Variants in SP7 observed in about 807,000 individuals in gnomAD.
SP7 encodes the protein Sp7 transcription factor.
A neutral mutation model predicts 27.9 loss-of-function variants in SP7; 13 were observed. The observed-to-expected ratio is 0.47, with a 90% CI of 0.30 to 0.74. SP7 has a LOEUF of 0.74. Among genes scored for constraint, SP7 ranks in the 30% least tolerant of loss-of-function variants. SP7 has a pLI of 0.06. For synonymous variants in SP7, 219 were observed against 226.7 expected (o/e 0.97, Z 0.31); for missense variants, 525 against 558.0 (o/e 0.94, Z 0.60).
intron 2 of SP7, among the ~76,000 whole-genome samples, chr12:53,334,330 TTACACACACA>T (rs1944741025): frequency 9.9e-6 from 1 of 100,924 alleles, no homozygotes; most frequent in African/African-American, 4.5e-5. Context: ...ATGGCCCAAC[TTACACACACA>T]CACACACACA....
At chr12:53,343,151 A>C (rs1371070135) in intron 1 of SP7, among the ~76,000 whole-genome samples, 1 of 151,912 alleles carries the variant, frequency 6.6e-6, no homozygotes, top group Non-Finnish European at 1.5e-5. Context: ...CAAAAAAAAA[A>C]AAACATAGTC....
chr12:53,332,592 C>T (rs1944718080), intron 2 of SP7, among the ~76,000 whole-genome samples: 1 of 151,166 alleles, frequency 6.6e-6, no homozygotes, highest in Non-Finnish European at 1.5e-5. Flanking sequence ...ACAACAGCAA[C>T]AACAAAAAAG....
rs1203748106 is a variant in SP7, at chr12:53,328,958, G to A, written c.484C>T (p.His162Tyr). 2 of 1,611,518 alleles carry A rather than the reference G, an allele frequency of 1.2e-6. No individual in the cohort carries two copies. Among genetic ancestry groups the A allele is most frequent in the Admixed American group, 1.7e-5 (1 of 59,348 alleles). The change falls in exon 3 of 3, where the codon CAC becomes TAC. Residue 162 changes from histidine to tyrosine, a missense_variant. Coordinates refer to ENST00000536324, the MANE Select transcript of SP7 (RefSeq NM_001173467.3). The surrounding 1 kb of genome is among the most constrained non-coding windows in gnomAD (Gnocchi z 5.1). ...CCACCTAGCCAGTTGCCTCCAGGGT[G>A]CATATCCCACCATGGAGTAGGAGTG... Reference protein sequence around the residue: ...GNTPTPWWDMHPGGNWLGGGQ... With the variant: ...GNTPTPWWDMYPGGNWLGGGQ...
intron 2 of SP7, among the ~76,000 whole-genome samples, chr12:53,335,340 CAG>C (rs890760044): frequency 6.6e-6 from 1 of 150,590 alleles, no homozygotes; most frequent in Non-Finnish European, 1.5e-5. Flanking sequence ...TCCTCACAGT[CAG>C]TGTGCTTAGC....
Position 53,329,062 on chromosome 12 carries a change from G to A in SP7, c.380C>T (p.Thr127Ile). The A allele has an allele frequency of 1.9e-6, 3 of 1,613,860 alleles. No homozygotes were observed. Among genetic ancestry groups the A allele is most frequent in the Non-Finnish European group, 2.5e-6 (3 of 1,179,886 alleles). The change falls in exon 3 of 3, where the codon ACC (threonine) becomes ATC (isoleucine). Residue 127 changes from threonine (T) to isoleucine (I), a missense_variant. Thr to Ile is a moderately conservative substitution (Grantham distance 89). Coordinates refer to ENST00000536324, the MANE Select transcript of SP7 (RefSeq NM_001173467.3). ...ATAGGGGTGTGTCATGTCCAGAGAG[G>A]TGTAGACACTGGGCAGACAGTCAGA... Reference protein sequence around the residue: ...SSSDCLPSVYTSLDMTHPYGS... With the variant: ...SSSDCLPSVYISLDMTHPYGS...
Position 53,329,401 on chromosome 12 carries a change from G to A in SP7, c.41C>T (p.Ser14Phe). The change falls in exon 3 of 3, where the codon TCC (serine) becomes TTC (phenylalanine). Residue 14 changes from serine to phenylalanine, a missense_variant. By Grantham distance (155) the Ser-to-Phe change is radical. Transcript: ENST00000536324. ...SLLEEEVHYGSSPLAMLTAAC... is the reference protein window; with the variant it reads ...SLLEEEVHYGFSPLAMLTAAC... ...TGCCGTCAGCATGGCCAGGGGACTG[G>A]AGCCATAGTGAACTTCCTCCTGTGG... The A allele has an allele frequency of 1.2e-6, 2 of 1,613,938 alleles. No individual in the cohort carries two copies. Among genetic ancestry groups the A allele is most frequent in the East Asian group, 2.2e-5 (1 of 44,882 alleles).
Position 53,328,338 on chromosome 12 carries a change from G to A in SP7, c.1104C>T (p.His368=). The stretch of plus-strand genomic sequence containing the variant: ...CATGGGTGCGCTGGTGTTTGCTCAG[G>A]TGGTCGCTTCGGGTAAAGCGCTTGG... ...LCSKRFTRSD[H]LSKHQRTHGE... The change falls in exon 3 of 3, where the codon CAC becomes CAT. Residue 368 remains histidine (H), a synonymous_variant. Transcript: ENST00000536324. The surrounding 1 kb of genome is among the most constrained non-coding windows in gnomAD (Gnocchi z 5.1). The A allele has an allele frequency of 6.2e-7, 1 of 1,612,350 alleles. No individual in the cohort carries two copies. The highest frequency in any genetic ancestry group is 1.1e-5 in the South Asian group (1 of 91,000).
At chr12:53,337,317 T>C (rs908712270), upstream of SP7, among the ~76,000 whole-genome samples, 1 of 152,138 alleles carries the variant, frequency 6.6e-6, no homozygotes, top group African/African-American at 2.4e-5. Context: ...TAATAAGGAC[T>C]TCCCAACAAA....
chr12:53,337,080 C>A (rs1460761486), upstream of SP7, among the ~76,000 whole-genome samples: 1 of 152,154 alleles, frequency 6.6e-6, no homozygotes, highest in South Asian at 2.1e-4. Context: ...CGACACCTAA[C>A]CTCTTTGGAT....
rs1221242589 is a variant in SP7 at position 53,344,327 on chromosome 12, C to G, written c.-34+787G>C. On this transcript the variant is annotated intron_variant, in intron 1 of 1. Coordinates refer to the SP7 transcript ENST00000547755. This position sits in a 1 kb window ranked among gnomAD's most constrained non-coding sequence, Gnocchi z 4.6. ...GCCCTCAGTCTCCCAGAAGAACCCC[C>G]GCCTCTGCCCTCTGCCCCAATCCCT... Among the ~76,000 whole-genome samples, 1 of 152,192 alleles carries G rather than the reference C, an allele frequency of 6.6e-6. No homozygotes were observed. Among genetic ancestry groups the G allele is most frequent in the African/African-American group, 2.4e-5 (1 of 41,516 alleles).
Position 53,328,782 on chromosome 12 carries a change from G to C in SP7, c.660C>G (p.Pro220=). 1 of 1,599,246 alleles carries C rather than the reference G, an allele frequency of 6.3e-7. No homozygotes were observed. The part of the protein sequence containing the change: ...YPAPHLLQPG[P]QHVLPQDVYK... ...AGACATCTTGGGGCAAGACATGCTG[G>C]GGCCCTGGTTGCAAGAGGTGGGGAG... is the stretch of plus-strand genomic sequence containing the variant. The change falls in exon 3 of 3, where the codon CCC becomes CCG. Residue 220 remains proline (P), a synonymous_variant. Coordinates refer to ENST00000536324, the MANE Select transcript of SP7 (RefSeq NM_001173467.3). The surrounding 1 kb of genome is among the most constrained non-coding windows in gnomAD (Gnocchi z 5.1).
rs182820275 is a variant in SP7 at position 53,328,170 on chromosome 12, C to T, written c.1272G>A (p.Glu424=). 7.1e-4 allele frequency: 1,141 copies of T among 1,612,456 alleles called. 1 individual carries two copies. The highest frequency in any genetic ancestry group is 1.1e-3 in the Admixed American group (63 of 59,854). Residue 424 remains glutamate, a synonymous_variant, in exon 3 of 3, where the codon GAG becomes GAA. Coordinates refer to ENST00000536324, the MANE Select transcript of SP7 (RefSeq NM_001173467.3). The surrounding 1 kb of genome is among the most constrained non-coding windows in gnomAD (Gnocchi z 5.1). ...TPEKAPGGSP[E]QSNLLEI is the part of the protein sequence containing the mutation. Reference sequence around the variant, plus strand: ...CTCAGATCTCCAGCAAGTTGCTCTGCTCAGGGCTGCCTCCAGGGGCTTTCT... The same window carrying T: ...CTCAGATCTCCAGCAAGTTGCTCTGTTCAGGGCTGCCTCCAGGGGCTTTCT...
At chr12:53,338,638 A>G (rs1944795748), upstream of SP7, among the ~76,000 whole-genome samples, 1 of 152,048 alleles carries the variant, frequency 6.6e-6, no homozygotes, top group African/African-American at 2.4e-5. Context: ...CCTACCCGGG[A>G]AGGGGCAGAC....
At chr12:53,338,334 G>A (rs1438780845), upstream of SP7, among the ~76,000 whole-genome samples, 1 of 152,100 alleles carries the variant, frequency 6.6e-6, no homozygotes, top group Admixed American at 6.5e-5. Flanking sequence ...CCGGGGCCCC[G>A]AACTCAGAAG....
chr12:53,332,493 A>C (rs1164443270), intron 2 of SP7, among the ~76,000 whole-genome samples: 1 of 152,154 alleles, frequency 6.6e-6, no homozygotes, highest in South Asian at 2.1e-4. Context: ...TGGGAAGCTC[A>C]CTTGAGCTAA....
In SP7 at chr12:53,327,923, G is replaced by A; in HGVS notation, c.*223C>T. The A allele has an allele frequency of 1.9e-6, 1 of 538,336 alleles. No homozygotes were observed. The highest frequency in any genetic ancestry group is 3.2e-6 in the Non-Finnish European group (1 of 307,952). 33.3% of individuals were successfully genotyped at this position (538,336 alleles called of 1,614,324 possible). On this transcript the variant is annotated 3_prime_UTR_variant, in exon 3 of 3. Coordinates refer to ENST00000536324, the MANE Select transcript of SP7 (RefSeq NM_001173467.3). ...GGTATCAGGCACAAGGGGAGGGCCT[G>A]AGATGAGAGTTTGTGGAAAGCCAGT...
upstream of SP7, among the ~76,000 whole-genome samples, chr12:53,338,744 G>A (rs575712820): frequency 1.3e-5 from 2 of 152,244 alleles, no homozygotes; most frequent in South Asian, 4.1e-4. Context: ...CCAGTGCCCC[G>A]ATGTGTCAAC....
At chr12:53,337,306 T>C (rs1944781581), upstream of SP7, among the ~76,000 whole-genome samples, 1 of 152,162 alleles carries the variant, frequency 6.6e-6, no homozygotes, top group Admixed American at 6.5e-5. Flanking sequence ...AAGTTAGAAC[T>C]TAATAAGGAC....
chr12:53,328,446 G>C lies in SP7; in HGVS notation c.996C>G (p.Gly332=). ...GCTCATCCGAACGAGTGAACCTCTT[G>C]CCGCAGAAGAGCCAGTTGCAGACGA... ...RPFVCNWLFC[G]KRFTRSDELE... Residue 332 remains glycine (G), a synonymous_variant, in exon 3 of 3, where the codon GGC becomes GGG. Transcript: ENST00000536324. This position sits in a 1 kb window ranked among gnomAD's most constrained non-coding sequence, Gnocchi z 5.1. 2 of 1,613,954 alleles carry C rather than the reference G, an allele frequency of 1.2e-6. No individual in the cohort carries two copies. The highest frequency in any genetic ancestry group is 1.1e-5 in the South Asian group (1 of 91,092).
Sources: allele counts gnomAD v4.1 joint callset (sites outside exome capture counted in the v4.1 genomes callset), GRCh38; gene constraint gnomAD v4.1.1; non-coding constraint Gnocchi (gnomAD v3.1); transcripts MANE v1.5; gene names NCBI Gene and HGNC (gene_info 2026-07-23, HGNC 2026-07-21).